ARID2: variants seen among roughly 807,000 people sequenced by gnomAD.
ARID2 encodes the protein AT-rich interaction domain 2.
Under a neutral mutation model 184.6 loss-of-function variants are expected in ARID2, and 32 were observed. The observed-to-expected ratio is 0.17, with a 90% confidence interval of 0.13 to 0.23. The LOEUF is 0.23. ARID2 is among the 10% of genes least tolerant of loss of function. The probability of loss-of-function intolerance (pLI) is 1.00; values close to 1 mark genes in which losing one functional copy is unlikely to be tolerated. For missense variants in ARID2, 1,696 were observed against 2,197.6 expected (o/e 0.77, Z 4.56); for synonymous variants, 836 against 772.6 (o/e 1.08, Z -1.36).
intron 3 of ARID2, among the ~76,000 whole-genome samples, chr12:45,801,335 A>T (rs1357529074): frequency 6.9e-6 from 1 of 144,140 alleles, no homozygotes. Flanking sequence ...AAAAAAAAGT[A>T]AAAAAAGAAA....
intron 15 of ARID2, among the ~76,000 whole-genome samples, chr12:45,854,272 T>G (rs1206443641): frequency 2.0e-5 from 3 of 152,108 alleles, no homozygotes; most frequent in African/African-American, 7.2e-5. Flanking sequence ...TATATTACAG[T>G]GTAATAATAG....
chr12:45,808,538 ATGAAACTT>A (rs1942642128), intron 3 of ARID2, among the ~76,000 whole-genome samples: 1 of 152,090 alleles, frequency 6.6e-6, no homozygotes, highest in Non-Finnish European at 1.5e-5. Context: ...TTAAAACCTA[ATGAAACTT>A]TGAATTATAT....
At chr12:45,894,973 C>T (rs1399510757) in intron 20 of ARID2, among the ~76,000 whole-genome samples, 15 of 152,070 alleles carry the variant, frequency 9.9e-5, no homozygotes, top group Admixed American at 9.8e-4. Flanking sequence ...GCCTAGAATG[C>T]CCTCCTCCCT....
At chr12:45,892,830 T>C (rs1409265740) in intron 18 of ARID2, among the ~76,000 whole-genome samples, 1 of 152,164 alleles carries the variant, frequency 6.6e-6, no homozygotes, top group Non-Finnish European at 1.5e-5. Context: ...TTCCATTCTG[T>C]ATCTTTCATA....
intron 6 of ARID2, among the ~76,000 whole-genome samples, chr12:45,822,847 T>C (rs540507764): frequency 3.3e-5 from 5 of 152,194 alleles, no homozygotes; most frequent in South Asian, 4.1e-4. Context: ...TTAGTAGAGC[T>C]AAAAAGAGAC....
intron 3 of ARID2, among the ~76,000 whole-genome samples, chr12:45,777,275 A>C (rs1208622755): frequency 1.3e-5 from 2 of 152,162 alleles, no homozygotes; most frequent in African/African-American, 4.8e-5. Flanking sequence ...ATGTTCTTTT[A>C]AATAGTGGTA....
intron 16 of ARID2, among the ~76,000 whole-genome samples, chr12:45,872,532 C>T (rs1201406561): frequency 6.6e-6 from 1 of 152,080 alleles, no homozygotes; most frequent in Non-Finnish European, 1.5e-5. Context: ...AGGAAAGCAA[C>T]AATCATGACA....
At chr12:45,895,680 T>C (rs1250658785) in intron 20 of ARID2, among the ~76,000 whole-genome samples, 2 of 152,136 alleles carry the variant, frequency 1.3e-5, no homozygotes, top group Non-Finnish European at 1.5e-5. Flanking sequence ...GATTATCGGC[T>C]CATGCCACTA....
At chr12:45,754,449 A>C (rs1941524916) in intron 3 of ARID2, among the ~76,000 whole-genome samples, 1 of 152,208 alleles carries the variant, frequency 6.6e-6, no homozygotes, top group Non-Finnish European at 1.5e-5. Context: ...TAGTAGAATT[A>C]GATCCAGCCA....
chr12:45,747,564 A>G (rs1565581088), intron 3 of ARID2, among the ~76,000 whole-genome samples: 1 of 151,898 alleles, frequency 6.6e-6, no homozygotes, highest in South Asian at 2.1e-4. Context: ...CTTCTTATGA[A>G]CTCAGGTGGG....
At chr12:45,890,366 GAGT>G (rs1263528984) in intron 16 of ARID2, among the ~76,000 whole-genome samples, 1 of 152,236 alleles carries the variant, frequency 6.6e-6, no homozygotes, top group Non-Finnish European at 1.5e-5. Context: ...TGTGAATAGT[GAGT>G]AGTAGTACAT....
chr12:45,768,443 A>C (rs544472163), intron 3 of ARID2, among the ~76,000 whole-genome samples: 10 of 152,164 alleles, frequency 6.6e-5, no homozygotes, highest in African/African-American at 2.4e-4. Context: ...TTTGTCCTCT[A>C]GCTGGGTTGT....
At chr12:45,757,142 G>A (rs1941586388) in intron 3 of ARID2, among the ~76,000 whole-genome samples, 1 of 152,138 alleles carries the variant, frequency 6.6e-6, no homozygotes, top group South Asian at 2.1e-4. Flanking sequence ...TACAATTTTG[G>A]ATGATTGACT....
intron 3 of ARID2, among the ~76,000 whole-genome samples, chr12:45,795,452 G>T (rs567203610): frequency 3.3e-5 from 5 of 150,472 alleles, no homozygotes; most frequent in Non-Finnish European, 7.4e-5. Context: ...TTTTTTTTTA[G>T]ACGGAGTCTC....
chr12:45,904,319 A>C (rs766496034), intron 20 of ARID2: 13 of 715,892 alleles, frequency 1.8e-5, no homozygotes, highest in Non-Finnish European at 3.1e-5. Flanking sequence ...CTGTTTTCTG[A>C]CACCATTTTC....
chr12:45,753,102 A>G (rs2137997117), intron 3 of ARID2, among the ~76,000 whole-genome samples: 1 of 152,252 alleles, frequency 6.6e-6, no homozygotes, highest in African/African-American at 2.4e-5. Flanking sequence ...TGTCTCTACT[A>G]AAAATACAAA....
rs2138165781 is a variant in ARID2, at chr12:45,850,873, A to G, written c.2750A>G (p.Gln917Arg). Residue 917 changes from glutamine to arginine, a missense_variant, in exon 15 of 21, where the codon CAA (glutamine) becomes CGA (arginine). Gln to Arg is a conservative substitution (Grantham distance 43, BLOSUM62 1). Transcript: ENST00000334344. ...SSTVVQQPIQ[Q>R]PQQPTQQSVV... is the part of the protein sequence containing the mutation. The stretch of plus-strand genomic sequence containing the variant: ...ACAGTGGTACAGCAGCCTATTCAAC[A>G]ACCACAGCAGCCAACCCAACAAAGC... 1.9e-6 allele frequency: 3 copies of G among 1,614,150 alleles called. No homozygotes were observed. Among genetic ancestry groups the G allele is most frequent in the Non-Finnish European group, 2.5e-6 (3 of 1,180,016 alleles).
intron 4 of ARID2, among the ~76,000 whole-genome samples, chr12:45,812,057 G>GA (rs1176585631): frequency 1.3e-5 from 2 of 151,612 alleles, no homozygotes; most frequent in Non-Finnish European, 2.9e-5. Context: ...AATCAAGTTG[G>GA]AAAAAAATCA....
chr12:45,850,163 T>A lies in ARID2; in HGVS notation c.2040T>A (p.Thr680=), dbSNP rs2138159503. 2 of 1,614,116 alleles carry A rather than the reference T, an allele frequency of 1.2e-6. No homozygotes were observed. ...PVQGVHTVAQ[T]VSRIPQNPSP... is the part of the protein sequence containing the mutation. ...AAGGTGTTCATACTGTGGCACAAAC[T>A]GTTTCAAGAATTCCACAAAATCCTT... Residue 680 remains threonine (T), a synonymous_variant, in exon 15 of 21, where the codon ACT becomes ACA. Coordinates refer to ENST00000334344, the MANE Select transcript of ARID2 (RefSeq NM_152641.4).
Sources: gnomAD v4.1 joint callset for allele counts (sites outside exome capture counted in the v4.1 genomes callset) on GRCh38, gnomAD v4.1.1 for gene constraint, MANE v1.5 for transcripts, NCBI Gene and HGNC (gene_info 2026-07-23, HGNC 2026-07-21) for gene names.